The following ATP5F1C variants were observed in gnomAD, a reference collection of about 807,000 sequenced individuals.
The protein encoded by ATP5F1C is ATP synthase F1 subunit gamma.
A neutral mutation model predicts 37.4 loss-of-function variants in ATP5F1C; 22 were observed. The observed-to-expected ratio is 0.59, with a 90% CI of 0.42 to 0.84. ATP5F1C has a LOEUF of 0.84. ATP5F1C is among the 40% of genes least tolerant of loss of function. The probability of loss-of-function intolerance (pLI) is 0.00; values close to 1 mark genes in which losing one functional copy is unlikely to be tolerated. For missense variants in ATP5F1C, 286 were observed against 362.4 expected, an observed-to-expected ratio of 0.79 and a Z score of 1.71; for synonymous variants, 121 against 128.0, an observed-to-expected ratio of 0.95 and a Z score of 0.37.
intron 8 of ATP5F1C, among the ~76,000 whole-genome samples, chr10:7,806,316 G>A (rs1836479052): frequency 6.6e-6 from 1 of 152,168 alleles, no homozygotes; most frequent in African/African-American, 2.4e-5. Flanking sequence ...TTAAGAACAT[G>A]AGTAAACCAT....
chr10:7,798,865 A>G (rs1386763278), intron 3 of ATP5F1C, 125 bp from the exon 4 acceptor site: 2 of 872,212 alleles, frequency 2.3e-6, no homozygotes, highest in East Asian at 5.4e-5. Flanking sequence ...ACCTGCTTAC[A>G]CTAGGCAGTT....
intron 8 of ATP5F1C, among the ~76,000 whole-genome samples, 157 bp downstream of exon 8, chr10:7,803,011 A>G (rs1476582658): frequency 6.6e-6 from 1 of 152,164 alleles, no homozygotes; most frequent in Non-Finnish European, 1.5e-5. Context: ...ATGTGGTAAA[A>G]ATGGGACCTC....
At chr10:7,790,534 C>T (rs545303329) in intron 1 of ATP5F1C, among the ~76,000 whole-genome samples, 1 of 152,110 alleles carries the variant, frequency 6.6e-6, no homozygotes, top group South Asian at 2.1e-4. Flanking sequence ...TTTTTAATAA[C>T]GTGTCAGTAG....
intron 4 of ATP5F1C, 152 bp from the exon 5 acceptor site, chr10:7,799,620 A>G: frequency 1.3e-6 from 1 of 795,124 alleles, no homozygotes; most frequent in Non-Finnish European, 2.0e-6. Flanking sequence ...GAAAGGAATG[A>G]TGATAGTGTG....
At chr10:7,799,245 ATCT>A (rs1836304107) in intron 4 of ATP5F1C, 51 bp downstream of exon 4, 2 of 1,539,418 alleles carry the variant, frequency 1.3e-6, no homozygotes, top group South Asian at 1.2e-5. Context: ...GCACGAATAA[ATCT>A]TCTCTCAAAA....
intron 3 of ATP5F1C, among the ~76,000 whole-genome samples, chr10:7,798,507 C>T (rs561067607): frequency 2.3e-3 from 344 of 152,032 alleles, no homozygotes; most frequent in African/African-American, 7.7e-3. Flanking sequence ...CCCGGGTTCA[C>T]GCCATTCTCC....
At chr10:7,794,618 T>G (rs2131059086) in intron 1 of ATP5F1C, among the ~76,000 whole-genome samples, 1 of 150,450 alleles carries the variant, frequency 6.6e-6, no homozygotes, top group Non-Finnish European at 1.5e-5. Context: ...GATTGTATGA[T>G]TTTTTCTTTA....
In ATP5F1C at chr10:7,802,400, C is replaced by T; in HGVS notation, c.768C>T (p.Ala256=). The change falls in exon 7 of 10, where the codon GCC becomes GCT. Residue 256 remains alanine (A), a synonymous_variant. Transcript: ENST00000356708. ...GTGAGCAGAGTGCCAGGATGACAGC[C>T]ATGGACAATGCCAGCAAGAATGCTT... ...TTSEQSARMT[A]MDNASKNASE... is the part of the protein sequence containing the mutation. 1 of 1,613,468 alleles carries T rather than the reference C, an allele frequency of 6.2e-7. No homozygotes were observed. The highest frequency in any genetic ancestry group is 8.5e-7 in the Non-Finnish European group (1 of 1,179,788).
intron 1 of ATP5F1C, among the ~76,000 whole-genome samples, chr10:7,790,493 T>TA (rs1004400558): frequency 6.6e-6 from 1 of 152,256 alleles, no homozygotes; most frequent in Non-Finnish European, 1.5e-5. Flanking sequence ...TTCTATTTCT[T>TA]AGAGTTCAGT....
intron 6 of ATP5F1C, among the ~76,000 whole-genome samples, chr10:7,801,211 T>A (rs1165531115): frequency 1.3e-5 from 2 of 152,238 alleles, no homozygotes; most frequent in Non-Finnish European, 1.5e-5. Flanking sequence ...TTTTCAAGTA[T>A]GTACTTTACA....
At chr10:7,805,274 T>C (rs1262525032) in intron 8 of ATP5F1C, among the ~76,000 whole-genome samples, 4 of 152,200 alleles carry the variant, frequency 2.6e-5, no homozygotes, top group African/African-American at 9.7e-5. Flanking sequence ...GCTGATTTGT[T>C]CTTGGATCTT....
chr10:7,800,556 A>G (rs771819130), intron 6 of ATP5F1C, among the ~76,000 whole-genome samples: 6 of 145,412 alleles, frequency 4.1e-5, no homozygotes, highest in South Asian at 2.2e-4. Context: ...GTGCAATGGC[A>G]TGATCTCGGC....
intron 1 of ATP5F1C, among the ~76,000 whole-genome samples, chr10:7,789,044 G>T (rs1836109533): frequency 6.6e-6 from 1 of 152,000 alleles, no homozygotes; most frequent in Non-Finnish European, 1.5e-5. Flanking sequence ...CACGAGCCTC[G>T]AGAATTTTAA....
intron 3 of ATP5F1C, among the ~76,000 whole-genome samples, chr10:7,798,508 G>A (rs868788313): frequency 6.6e-6 from 1 of 152,140 alleles, no homozygotes; most frequent in Non-Finnish European, 1.5e-5. Flanking sequence ...CCGGGTTCAC[G>A]CCATTCTCCT....
At chr10:7,794,658 G>A (rs1192027174) in intron 1 of ATP5F1C, among the ~76,000 whole-genome samples, 2 of 152,062 alleles carry the variant, frequency 1.3e-5, no homozygotes, top group Admixed American at 6.5e-5. Context: ...TATATTATTT[G>A]ATTTTTTAAT....
At chr10:7,790,720 C>T (rs940304514) in intron 1 of ATP5F1C, among the ~76,000 whole-genome samples, 7 of 152,224 alleles carry the variant, frequency 4.6e-5, no homozygotes, top group East Asian at 3.8e-4. Flanking sequence ...TGCATTCAGA[C>T]GGCAGGGATT....
At chr10:7,799,583 G>C in intron 4 of ATP5F1C, 189 bp from the exon 5 acceptor site, 1 of 624,280 alleles carries the variant, frequency 1.6e-6, no homozygotes, top group South Asian at 2.3e-5. Context: ...CTCATTTTTA[G>C]TTCTTAGTTC....
At chr10:7,804,166 G>A in intron 8 of ATP5F1C, 1 of 519,074 alleles carries the variant, frequency 1.9e-6, no homozygotes. Flanking sequence ...AAAAAGGAGA[G>A]TGATAGCGTG....
chr10:7,798,766 G>A (rs544996099), intron 3 of ATP5F1C, among the ~76,000 whole-genome samples: 2 of 150,570 alleles, frequency 1.3e-5, no homozygotes, highest in South Asian at 2.1e-4. Flanking sequence ...CCTGACCTCA[G>A]GTGATCCGCC....
Sources: gnomAD v4.1 joint callset for allele counts (sites outside exome capture counted in the v4.1 genomes callset) on GRCh38, gnomAD v4.1.1 for gene constraint, MANE v1.5 for transcripts, NCBI Gene and HGNC (gene_info 2026-07-23, HGNC 2026-07-21) for gene names.